The following EEF1AKMT1 variants were observed in gnomAD, a reference collection of about 807,000 sequenced individuals.
EEF1AKMT1 encodes N-6 adenine-specific DNA methyltransferase 2 (putative).
A neutral mutation model predicts 21.0 loss-of-function variants in EEF1AKMT1; 18 were observed. The ratio of observed to expected loss-of-function variants is 0.86; its 90% CI spans 0.59 to 1.27. The LOEUF is 1.27. Among genes scored for constraint, EEF1AKMT1 ranks in the 50% most tolerant of loss-of-function variants. The pLI is 0.00. For synonymous variants in EEF1AKMT1, 109 were observed against 94.8 expected (o/e 1.15, Z -0.87); for missense variants, 246 against 258.6 (o/e 0.95, Z 0.33).
At chr13:20,754,623 T>A (rs893656171) in intron 2 of EEF1AKMT1, among the ~76,000 whole-genome samples, 2 of 151,746 alleles carry the variant, frequency 1.3e-5, no homozygotes, top group African/African-American at 2.4e-5. Flanking sequence ...GAAAAATTTT[T>A]AAAAGCCGGG....
chr13:20,755,352 A>T (rs2058966262), intron 2 of EEF1AKMT1, among the ~76,000 whole-genome samples: 1 of 152,174 alleles, frequency 6.6e-6, no homozygotes, highest in Non-Finnish European at 1.5e-5. Flanking sequence ...CTTGTGTGGG[A>T]CTTGGCATGT....
intron 2 of EEF1AKMT1, 92 bp from the exon 3 acceptor site, chr13:20,737,897 T>C (rs1203857895): frequency 1.2e-6 from 1 of 823,386 alleles, no homozygotes; most frequent in African/African-American, 1.7e-5. Context: ...GGACAGATAT[T>C]TTGTTCTTTT....
intron 2 of EEF1AKMT1, 76 bp from the exon 3 acceptor site, chr13:20,737,881 A>G: frequency 1.1e-6 from 1 of 911,948 alleles, no homozygotes; most frequent in Non-Finnish European, 1.7e-6. Flanking sequence ...TATAATCTAT[A>G]CCAGTGGACA....
In EEF1AKMT1 at chr13:20,731,918, T is replaced by G. The variant is rs755350464; in HGVS notation, c.431A>C (p.Tyr144Ser). ...SFDIVIADPP[Y>S]LSEECLRKTS... is the part of the protein sequence containing the mutation. ...TTTTCTGAGACATTCCTCCGAAAGA[T>G]AGGGAGGATCTGCTATTACGATGTC... Residue 144 changes from tyrosine (Y) to serine (S), a missense_variant, in exon 4 of 5, where the codon TAT (tyrosine) becomes TCT (serine). Coordinates refer to ENST00000382758, the MANE Select transcript of EEF1AKMT1 (RefSeq NM_001318939.2). The G allele has an allele frequency of 6.2e-7, 1 of 1,614,206 alleles. No homozygotes were observed. The highest frequency in any genetic ancestry group is 8.5e-7 in the Non-Finnish European group (1 of 1,180,042).
rs1279420509 is a variant in EEF1AKMT1 at position 20,737,748 on chromosome 13, T to C, written c.202A>G (p.Ile68Val). Residue 68 changes from isoleucine (I) to valine (V), a missense_variant, in exon 3 of 5, where the codon ATT (isoleucine) becomes GTT (valine). Coordinates refer to ENST00000382758, the MANE Select transcript of EEF1AKMT1 (RefSeq NM_001318939.2). Reference sequence around the variant, plus strand: ...CTGCCACCTTCTCCTACAGCTGCAATTGCCTCCTGTGCCAGCTGCAGAGCA... The same window carrying C: ...CTGCCACCTTCTCCTACAGCTGCAACTGCCTCCTGTGCCAGCTGCAGAGCA... Reference protein sequence around the residue: ...ETALQLAQEAIAAVGEGGRIA... With the variant: ...ETALQLAQEAVAAVGEGGRIA... 2.5e-6 allele frequency: 4 copies of C among 1,612,384 alleles called. No individual in the cohort carries two copies. Among genetic ancestry groups the C allele is most frequent in the East Asian group, 2.2e-5 (1 of 44,818 alleles).
chr13:20,740,803 A>G (rs544063716), intron 2 of EEF1AKMT1, among the ~76,000 whole-genome samples: 1 of 152,138 alleles, frequency 6.6e-6, no homozygotes, highest in Non-Finnish European at 1.5e-5. Context: ...ACTCAGTCTC[A>G]AAACAAAAAA....
At chr13:20,737,376 A>AATAC (rs1348349186) in intron 3 of EEF1AKMT1, among the ~76,000 whole-genome samples, 1 of 152,204 alleles carries the variant, frequency 6.6e-6, no homozygotes, top group Non-Finnish European at 1.5e-5. Context: ...AAAATAAATA[A>AATAC]ATACATACAT....
At chr13:20,738,981 G>GT (rs2058848178) in intron 2 of EEF1AKMT1, among the ~76,000 whole-genome samples, 1 of 152,220 alleles carries the variant, frequency 6.6e-6, no homozygotes, top group South Asian at 2.1e-4. Flanking sequence ...CTCACGATGA[G>GT]TGTGACAGTT....
chr13:20,751,209 CTT>C (rs2058938333), intron 2 of EEF1AKMT1, among the ~76,000 whole-genome samples: 1 of 152,032 alleles, frequency 6.6e-6, no homozygotes, highest in Admixed American at 6.5e-5. Flanking sequence ...ATTTTTGTTT[CTT>C]GTGCTTTTGA....
At chr13:20,737,892 G>A in intron 2 of EEF1AKMT1, 87 bp from the exon 3 acceptor site, 2 of 850,822 alleles carry the variant, frequency 2.4e-6, no homozygotes, top group South Asian at 2.0e-5. Context: ...CCAGTGGACA[G>A]ATATTTTGTT....
At chr13:20,748,272 A>G (rs2058918925) in intron 2 of EEF1AKMT1, among the ~76,000 whole-genome samples, 1 of 152,086 alleles carries the variant, frequency 6.6e-6, no homozygotes, top group African/African-American at 2.4e-5. Flanking sequence ...CGTCTCTACT[A>G]AAAATACAAA....
At chr13:20,743,266 C>T (rs2141420510) in intron 2 of EEF1AKMT1, among the ~76,000 whole-genome samples, 1 of 152,108 alleles carries the variant, frequency 6.6e-6, no homozygotes, top group Non-Finnish European at 1.5e-5. Flanking sequence ...GAGGTTTCAC[C>T]ATGTTAACCA....
intron 1 of EEF1AKMT1, among the ~76,000 whole-genome samples, chr13:20,771,482 T>G (rs2059062509): frequency 6.6e-6 from 1 of 152,160 alleles, no homozygotes. Context: ...GTGATGAGTC[T>G]CAAAGTCCTT....
chr13:20,740,815 C>A (rs562462040), intron 2 of EEF1AKMT1, among the ~76,000 whole-genome samples: 2 of 151,382 alleles, frequency 1.3e-5, no homozygotes, highest in African/African-American at 4.8e-5. Flanking sequence ...AACAAAAAAA[C>A]CATTGACTTC....
chr13:20,748,726 G>GTTTTTTTTTTTTTTTTTT (rs750094631), intron 2 of EEF1AKMT1, among the ~76,000 whole-genome samples: 52 of 72,610 alleles, frequency 7.2e-4, no homozygotes, highest in African/African-American at 1.9e-3. Context: ...TTTTTTTTTG[G>GTTTTTTTTTTTTTTTTTT]TTTTTTTTTT....
chr13:20,747,955 T>A, intron 2 of EEF1AKMT1: 1 of 230,128 alleles, frequency 4.3e-6, no homozygotes, highest in Non-Finnish European at 8.7e-6. Flanking sequence ...TATGTACGTC[T>A]CAAATTCACC....
rs2058977591 is a variant in EEF1AKMT1, at chr13:20,757,517, T to C, written c.82A>G (p.Lys28Glu). 6.2e-7 allele frequency: 1 copy of C among 1,614,176 alleles called. No homozygotes were observed. Among genetic ancestry groups the C allele is most frequent in the East Asian group, 2.2e-5 (1 of 44,882 alleles). Reference protein sequence around the residue: ...AALQEFYAEQKQQIEPGEDDK... With the variant: ...AALQEFYAEQEQQIEPGEDDK... ...TCCTCGCCTGGCTCAATTTGTTGCT[T>C]TTGCTCAGCATAAAATTCCTGGAGA... The change falls in exon 2 of 5, where the codon AAG becomes GAG. Residue 28 changes from lysine to glutamate, a missense_variant. Transcript: ENST00000382758.
chr13:20,760,962 T>C (rs1377785526), intron 1 of EEF1AKMT1, among the ~76,000 whole-genome samples: 1 of 152,232 alleles, frequency 6.6e-6, no homozygotes, highest in Non-Finnish European at 1.5e-5. Context: ...GCAAAAATAA[T>C]GAAGGTCCAT....
chr13:20,738,831 G>GAT (rs1312850585), intron 2 of EEF1AKMT1, among the ~76,000 whole-genome samples: 15 of 152,190 alleles, frequency 9.9e-5, no homozygotes, highest in Non-Finnish European at 2.2e-4. Context: ...AGGATTGAGG[G>GAT]ATTAGGAGGT....
Sources: gnomAD v4.1 joint callset for allele counts (sites outside exome capture counted in the v4.1 genomes callset) on GRCh38, gnomAD v4.1.1 for gene constraint, MANE v1.5 for transcripts, NCBI Gene and HGNC (gene_info 2026-07-23, HGNC 2026-07-21) for gene names.